OFD1: variants seen among roughly 807,000 people sequenced by gnomAD.
OFD1 encodes OFD1 centriole and centriolar satellite protein, also known as centriole and centriolar satellite protein OFD1.
A neutral mutation model predicts 81.4 loss-of-function variants in OFD1; 12 were observed. That is an observed-to-expected ratio of 0.15 (90% confidence interval 0.09 to 0.24). The LOEUF (loss-of-function observed/expected upper bound fraction) is 0.24. Ranked by LOEUF, OFD1 falls within the 10% of genes least tolerant of loss-of-function variation. The pLI is 1.00. For missense variants in OFD1, 685 were observed against 733.9 expected (o/e 0.93, Z 0.77); for synonymous variants, 256 against 263.7 (o/e 0.97, Z 0.28).
chrX:13,723,465 G>A, the OFD1 span, among the ~76,000 whole-genome samples: 1 of 111,786 alleles, frequency 8.9e-6, no homozygotes, highest in Non-Finnish European at 1.9e-5. Flanking sequence ...ACCATGCCCG[G>A]CCTGATTCCA....
chrX:13,757,685 T>C lies in OFD1; in HGVS notation c.1437T>C (p.Leu479=). 8.3e-7 allele frequency: 1 copy of C among 1,210,739 alleles called. No individual in the cohort carries two copies. The highest frequency in any genetic ancestry group is 1.1e-6 in the Non-Finnish European group (1 of 895,185). ...GCCTAGCTCAGCCGGCTCCTGAACT[T>C]GCAGTCTTTCAGAAAGAACTACGGA... ...LNRLAQPAPE[L]AVFQKELRKA... is the part of the protein sequence containing the mutation. Residue 479 remains leucine, a synonymous_variant, in exon 14 of 23, where the codon CTT becomes CTC. Transcript: ENST00000340096.
the OFD1 span, among the ~76,000 whole-genome samples, chrX:13,729,492 A>C: frequency 8.9e-6 from 1 of 112,693 alleles, no homozygotes; most frequent in East Asian, 2.8e-4. Context: ...AAAACAAGAA[A>C]TGGGGAAAGG....
chrX:13,772,118 T>TA (rs2048310882), downstream of OFD1: 1 of 112,543 alleles, frequency 8.9e-6, no homozygotes, highest in African/African-American at 3.2e-5. Context: ...AAATACTCAT[T>TA]AAGGCAAAGC....
chrX:13,741,289 T>G (rs1242796314), intron 5 of OFD1, among the ~76,000 whole-genome samples: 1 of 112,412 alleles, frequency 8.9e-6, no homozygotes, highest in African/African-American at 3.2e-5. Flanking sequence ...TCAGGCATCC[T>G]AGTGCCAAAA....
intron 2 of OFD1, chrX:13,736,070 C>T (rs1328043592): frequency 2.9e-6 from 2 of 679,006 alleles, no homozygotes; most frequent in East Asian, 2.3e-4. Context: ...ATATAGCAGT[C>T]CCCTGTTGTT....
chrX:13,725,057 C>T, the OFD1 span, among the ~76,000 whole-genome samples: 1 of 112,946 alleles, frequency 8.9e-6, no homozygotes, highest in African/African-American at 3.2e-5. Flanking sequence ...GAGGGGTGTC[C>T]GCCATTGCTG....
chrX:13,716,786 A>C, the OFD1 span: 2 of 844,820 alleles, frequency 2.4e-6, no homozygotes, highest in Non-Finnish European at 1.7e-6. Context: ...GGGAAAAAAC[A>C]GTTTGCTTTT....
In OFD1 at chrX:13,760,504, A is replaced by C. The variant is rs148239437; in HGVS notation, c.2044A>C (p.Ile682Leu). ...SLHLLEAFKNITSSSPERHIF... is the reference protein window; with the variant it reads ...SLHLLEAFKNLTSSSPERHIF... ...GCACTTGCTGGAAGCCTTCAAAAAC[A>C]TTACTTCCAGTTCCCCGGAAAGACA... Residue 682 changes from isoleucine to leucine, a missense_variant, in exon 16 of 23, where the codon ATT becomes CTT. Physicochemically the swap from Ile to Leu is conservative, Grantham distance 5 (BLOSUM62 2). Transcript: ENST00000340096. The C allele has an allele frequency of 3.6e-4, 422 of 1,166,792 alleles. 3 individuals carry two copies. The African/African-American group carries it at 6.9e-3, about 19-fold the overall frequency.
intron 21 of OFD1, 55 bp downstream of exon 21, chrX:13,768,279 T>TGG (rs2048208073): frequency 1.1e-6 from 1 of 931,943 alleles, no homozygotes; most frequent in Non-Finnish European, 1.6e-6. Context: ...AGGGCTTCCG[T>TGG]GGCTTAACTT....
chrX:13,760,691 GAAGCCTCGA>G lies in OFD1; in HGVS notation c.2235_2243del (p.Leu746_Ser748del), dbSNP rs1279235310. ...TCCACACCCCTTCCAAAAGCAAAAA[GAAGCCTCGA>G]AAGTGAAATGTATCTGGAAGGTAAG... On this transcript the variant is annotated inframe_deletion, in exon 16 of 23. Transcript: ENST00000340096. The G allele has an allele frequency of 8.3e-7, 1 of 1,211,460 alleles. No homozygotes were observed. The highest frequency in any genetic ancestry group is 3.0e-5 in the East Asian group (1 of 33,822).
At chrX:13,767,005 CAG>C (rs1242629633) in intron 19 of OFD1, 120 bp from the exon 20 acceptor site, 12 of 643,984 alleles carry the variant, frequency 1.9e-5, no homozygotes, top group Non-Finnish European at 3.0e-5. Context: ...AAGCAGGTCA[CAG>C]AGTCAACTAA....
downstream of OFD1, among the ~76,000 whole-genome samples, chrX:13,769,964 C>G (rs1280051088): frequency 8.9e-6 from 1 of 112,370 alleles, no homozygotes; most frequent in Non-Finnish European, 1.9e-5. Flanking sequence ...CAGGAACAGA[C>G]TGAGATAGCA....
chrX:13,729,203 C>T, the OFD1 span, among the ~76,000 whole-genome samples: 27 of 111,701 alleles, frequency 2.4e-4, no homozygotes, highest in Non-Finnish European at 4.5e-4. Context: ...ACTGCCATCC[C>T]CATCAAGCTA....
Position 13,743,767 on chromosome X carries a change from AT to A in OFD1, c.413-636del, listed in dbSNP as rs1053127928. On this transcript the variant is annotated intron_variant, in intron 5 of 22. Transcript: ENST00000340096. ...ACCCATGTTTTTCCCCATTTTTCTG[AT>A]TTTTTTTTTTTAAACTGATTTGTAA... is the stretch of plus-strand genomic sequence containing the variant. 3.1e-3 allele frequency among the ~76,000 whole-genome samples: 316 copies of A among 101,496 alleles called. 1 individual carries two copies. The highest frequency in any genetic ancestry group is 8.0e-3 in the African/African-American group (228 of 28,350). The allele number at this position is 101,496 out of a possible 115,157, so 88.1% of individuals were successfully genotyped here. A position where few individuals can be genotyped will look rare whatever the true frequency, so the allele number is the denominator to read the frequency against.
chrX:13,763,758 GC>G lies in OFD1; in HGVS notation c.2504del (p.Pro835GlnfsTer34), dbSNP rs769732755. ...TGCCTCATGCAGCTGCAGGGAACAT[GC>G]CAAGGCAGTTGGAAATGGGCGGGCT... Reference protein sequence around the residue: ...ESSFESAGNMPRQLEMGGLSP... With the variant: ...ESSFESAGNMXRQLEMGGLSP... On this transcript the variant is annotated frameshift_variant, in exon 19 of 23. Transcript: ENST00000340096. LOFTEE classifies it high-confidence loss of function. The G allele has an allele frequency of 8.3e-7, 1 of 1,210,087 alleles. No homozygotes were observed. Among genetic ancestry groups the G allele is most frequent in the Non-Finnish European group, 1.1e-6 (1 of 894,100 alleles).
chrX:13,734,856 C>G lies in OFD1; in HGVS notation c.-216C>G. On this transcript the variant is annotated 5_prime_UTR_variant, in exon 1 of 23. Transcript: ENST00000340096. ...TGGGTCCTCGCCCTTGCCTCAGAAC[C>G]GCGAAGAAAGGAAGCTCGCGTGTTT... 1 of 1,084,713 alleles carries G rather than the reference C, an allele frequency of 9.2e-7. No homozygotes were observed. The highest frequency in any genetic ancestry group is 1.2e-6 in the Non-Finnish European group (1 of 840,661). The allele number at this position is 1,084,713 out of a possible 1,213,427, so 89.4% of individuals were successfully genotyped here.
chrX:13,750,639 G>GTTTGT (rs1242325155), intron 9 of OFD1, among the ~76,000 whole-genome samples: 1 of 111,706 alleles, frequency 9.0e-6, no homozygotes, highest in Non-Finnish European at 1.9e-5. Context: ...AGGGTTTTTT[G>GTTTGT]TTTGTTTTGT....
the OFD1 span, among the ~76,000 whole-genome samples, chrX:13,729,186 T>C: frequency 3.6e-5 from 4 of 111,540 alleles, no homozygotes; most frequent in Non-Finnish European, 7.5e-5. Context: ...GGGTAATTTA[T>C]AGATTCACTG....
At chrX:13,732,323 C>T (rs1367775946), upstream of OFD1, among the ~76,000 whole-genome samples, 3 of 111,729 alleles carry the variant, frequency 2.7e-5, no homozygotes, top group South Asian at 7.5e-4. Context: ...GATGTTTAAA[C>T]GGAGTAGGGG....
Sources: allele counts gnomAD v4.1 joint callset (sites outside exome capture counted in the v4.1 genomes callset), GRCh38; gene constraint gnomAD v4.1.1; transcripts MANE v1.5; gene names NCBI Gene and HGNC (gene_info 2026-07-23, HGNC 2026-07-21).